The following SPATS2 variants were observed in gnomAD, a reference collection of about 807,000 sequenced individuals.
SPATS2 encodes spermatogenesis-associated serine-rich protein 2.
SPATS2 carries 38 observed loss-of-function variants against 63.7 expected under a neutral mutation model. That is an observed-to-expected ratio of 0.60 (90% CI 0.46 to 0.78). The LOEUF is 0.78. Ranked by LOEUF, SPATS2 falls within the 30% of genes least tolerant of loss-of-function variation. The pLI is 0.00. For synonymous variants in SPATS2, 207 were observed against 232.9 expected (o/e 0.89, Z 1.01); for missense variants, 588 against 666.2 (o/e 0.88, Z 1.29).
At chr12:49,373,232 C>G (rs1335750523) in intron 2 of SPATS2, among the ~76,000 whole-genome samples, 2 of 152,126 alleles carry the variant, frequency 1.3e-5, no homozygotes, top group African/African-American at 4.8e-5. Flanking sequence ...CCTCGGCCTC[C>G]CAAAGTGCTG....
At chr12:49,392,360 T>G (rs1944432771) in intron 2 of SPATS2, among the ~76,000 whole-genome samples, 1 of 152,214 alleles carries the variant, frequency 6.6e-6, no homozygotes, top group Non-Finnish European at 1.5e-5. Flanking sequence ...GTTATATTCC[T>G]TCTGTATGCT....
intron 9 of SPATS2, among the ~76,000 whole-genome samples, chr12:49,511,327 A>T (rs1946750555): frequency 6.6e-6 from 1 of 152,238 alleles, no homozygotes; most frequent in Non-Finnish European, 1.5e-5. Flanking sequence ...GGAAGCAGTC[A>T]TCCAAATCTA....
intron 2 of SPATS2, among the ~76,000 whole-genome samples, chr12:49,390,848 T>C (rs1043269408): frequency 6.6e-6 from 1 of 152,222 alleles, no homozygotes; most frequent in African/African-American, 2.4e-5. Flanking sequence ...GAAAATCTTA[T>C]AATAGACATT....
chr12:49,448,712 CAAAAAAAAAAAAAA>C (rs780015868), intron 2 of SPATS2, among the ~76,000 whole-genome samples: 1 of 58,304 alleles, frequency 1.7e-5, no homozygotes, highest in Non-Finnish European at 3.5e-5. Context: ...GACCCTGTCT[CAAAAAAAAAAAAAA>C]AAAAAAAAGC....
chr12:49,486,105 AGTGGTTG>A (rs1946288148), intron 4 of SPATS2: 3 of 386,776 alleles, frequency 7.8e-6, no homozygotes, highest in African/African-American at 2.1e-5. Flanking sequence ...AGTCCTGTAC[AGTGGTTG>A]AGTACTATAA....
rs997887510 is a variant in SPATS2, at chr12:49,490,746, A to G, written c.264+15A>G. On this transcript the variant is annotated intron_variant, in intron 6 of 13. Coordinates refer to ENST00000552918, the MANE Select transcript of SPATS2 (RefSeq NM_023071.4). ...GCAAGAAAAAGGTAAAATGAATTAC[A>G]TTTAAAAGCATGATGATGTGTATAT... is the stretch of plus-strand genomic sequence containing the variant. The G allele has an allele frequency of 6.8e-6, 11 of 1,611,654 alleles. No homozygotes were observed. The African/African-American group carries it at 1.3e-4, about 20-fold the overall frequency.
intron 2 of SPATS2, among the ~76,000 whole-genome samples, chr12:49,436,639 G>A (rs547262734): frequency 7.4e-6 from 1 of 135,682 alleles, no homozygotes; most frequent in South Asian, 2.4e-4. Flanking sequence ...GGACGGGGCG[G>A]CTGGCCGGGC....
At chr12:49,468,332 G>C (rs1340466051) in intron 3 of SPATS2, among the ~76,000 whole-genome samples, 1 of 151,466 alleles carries the variant, frequency 6.6e-6, no homozygotes, top group Non-Finnish European at 1.5e-5. Context: ...GCTAATTTTT[G>C]TATTTTTAGT....
At chr12:49,436,388 C>T (rs1001210048) in intron 2 of SPATS2, among the ~76,000 whole-genome samples, 4 of 142,060 alleles carry the variant, frequency 2.8e-5, no homozygotes, top group African/African-American at 5.4e-5. Context: ...GGCAGCTGGC[C>T]GGGTTGGGGG....
Position 49,526,549 on chromosome 12 carries a change from ACTGT to A in SPATS2, c.*296_*299del. The A allele has an allele frequency of 2.5e-6, 1 of 399,388 alleles. No homozygotes were observed. The allele number at this position is 399,388 out of a possible 1,614,324, so 24.7% of individuals were successfully genotyped here. On this transcript the variant is annotated 3_prime_UTR_variant, in exon 14 of 14. Transcript: ENST00000552918. ...TTTCGGCCTTCCAGTTGATCCCTCC[ACTGT>A]CCAGGCTGTCTCAGGAGGAGGTGAA...
At chr12:49,441,211 C>G (rs1036122705) in intron 2 of SPATS2, among the ~76,000 whole-genome samples, 2 of 152,208 alleles carry the variant, frequency 1.3e-5, no homozygotes, top group East Asian at 3.9e-4. Flanking sequence ...TCACTCAAGC[C>G]CTCTTCAACT....
intron 2 of SPATS2, chr12:49,406,660 T>C (rs999125100): frequency 9.2e-5 from 14 of 152,056 alleles, no homozygotes; most frequent in Middle Eastern, 3.2e-3. Flanking sequence ...GCTGCTTTTT[T>C]CCCCCTATTT....
chr12:49,413,050 C>G (rs1944825368), intron 2 of SPATS2, among the ~76,000 whole-genome samples: 1 of 151,950 alleles, frequency 6.6e-6, no homozygotes, highest in South Asian at 2.1e-4. Flanking sequence ...GCTGGGGTCT[C>G]CAGACACGTT....
At chr12:49,418,174 G>A (rs372719077) in intron 2 of SPATS2, among the ~76,000 whole-genome samples, 16 of 145,328 alleles carry the variant, frequency 1.1e-4, no homozygotes, top group African/African-American at 4.0e-4. Context: ...GAGTGCAGTG[G>A]TGCAATCATG....
chr12:49,438,992 A>G (rs1287595475), intron 2 of SPATS2, among the ~76,000 whole-genome samples: 1 of 152,240 alleles, frequency 6.6e-6, no homozygotes, highest in Admixed American at 6.5e-5. Context: ...ATAATGCTAG[A>G]TAGTAACAGT....
At chr12:49,383,827 G>C (rs980040166) in intron 2 of SPATS2, among the ~76,000 whole-genome samples, 1 of 152,068 alleles carries the variant, frequency 6.6e-6, no homozygotes, top group Non-Finnish European at 1.5e-5. Context: ...TTTTTTATAT[G>C]GTTCTTGTCG....
intron 3 of SPATS2, among the ~76,000 whole-genome samples, chr12:49,467,813 C>G (rs945366771): frequency 2.0e-5 from 3 of 152,070 alleles, no homozygotes; most frequent in African/African-American, 7.2e-5. Flanking sequence ...ATGCCATTCT[C>G]CTGCCTCAGC....
intron 2 of SPATS2, among the ~76,000 whole-genome samples, chr12:49,384,792 T>G (rs1200596732): frequency 6.6e-6 from 1 of 152,028 alleles, no homozygotes; most frequent in African/African-American, 2.4e-5. Flanking sequence ...TCCATACGTT[T>G]GCTCATGCCA....
At chr12:49,506,788 T>A (rs12309399) in intron 9 of SPATS2, among the ~76,000 whole-genome samples, 2,106 of 151,964 alleles carry the variant, frequency 0.014, 47 homozygotes, top group African/African-American at 0.046. Flanking sequence ...GGCCATGATC[T>A]TGCCACTGTA....
Sources: gnomAD v4.1 joint callset for allele counts (sites outside exome capture counted in the v4.1 genomes callset) on GRCh38, gnomAD v4.1.1 for gene constraint, MANE v1.5 for transcripts, NCBI Gene and HGNC (gene_info 2026-07-23, HGNC 2026-07-21) for gene names.